SVIL: variants seen among roughly 807,000 people sequenced by gnomAD.
SVIL encodes the protein supervillin.
A neutral mutation model predicts 240.4 loss-of-function variants in SVIL; 101 were observed. The ratio of observed to expected loss-of-function variants is 0.42; its 90% confidence interval spans 0.36 to 0.50. SVIL has a LOEUF of 0.50. Among genes scored for constraint, SVIL ranks in the 20% least tolerant of loss-of-function variants. The pLI, the probability that SVIL is intolerant of heterozygous loss-of-function variation, is 0.01. For synonymous variants in SVIL, 999 were observed against 1,100.0 expected (o/e 0.91, Z 1.82); for missense variants, 2,512 against 2,818.7 (o/e 0.89, Z 2.46).
At chr10:29,520,848 C>A (rs1311629939) in intron 16 of SVIL, among the ~76,000 whole-genome samples, 8 of 148,302 alleles carry the variant, frequency 5.4e-5, no homozygotes, top group African/African-American at 2.0e-4. Flanking sequence ...TCCAGGAGTT[C>A]GAGGCTGCAG....
chr10:29,579,724 G>A (rs1199814240), intron 1 of SVIL, among the ~76,000 whole-genome samples: 1 of 152,096 alleles, frequency 6.6e-6, no homozygotes, highest in East Asian at 1.9e-4. Context: ...CCCCTGCAAC[G>A]CTGTCCTTTG....
chr10:29,561,946 C>T (rs1286707920), intron 3 of SVIL, among the ~76,000 whole-genome samples: 5 of 152,180 alleles, frequency 3.3e-5, no homozygotes, highest in Admixed American at 3.3e-4. Flanking sequence ...CAGGCCAAAT[C>T]CCCTGAGTCT....
chr10:29,640,851 C>T (rs529066419), intron 3 of SVIL, among the ~76,000 whole-genome samples: 1 of 152,326 alleles, frequency 6.6e-6, no homozygotes, highest in East Asian at 1.9e-4. Flanking sequence ...AACCCATCCT[C>T]TCCGCCACTT....
intron 1 of SVIL, among the ~76,000 whole-genome samples, chr10:29,691,014 T>G (rs1185288657): frequency 6.6e-6 from 1 of 152,184 alleles, no homozygotes; most frequent in Non-Finnish European, 1.5e-5. Context: ...CAAAGCTTCA[T>G]TTTAGAAGCA....
chr10:29,461,631 C>T (rs887588507), intron 36 of SVIL, among the ~76,000 whole-genome samples: 2 of 152,090 alleles, frequency 1.3e-5, no homozygotes, highest in African/African-American at 2.4e-5. Flanking sequence ...GTTAATAGCT[C>T]ATATATAAGA....
intron 2 of SVIL, among the ~76,000 whole-genome samples, chr10:29,660,289 A>G (rs560696395): frequency 1.3e-5 from 2 of 152,290 alleles, no homozygotes; most frequent in South Asian, 4.1e-4. Flanking sequence ...AGCTCGGGCA[A>G]CAAAGCAACA....
intron 30 of SVIL, among the ~76,000 whole-genome samples, chr10:29,471,910 T>C (rs1391330242): frequency 6.6e-6 from 1 of 152,210 alleles, no homozygotes; most frequent in East Asian, 1.9e-4. Flanking sequence ...CCAATTGCCA[T>C]TTTGTGGCAG....
At chr10:29,509,532 G>T (rs1408667871) in intron 17 of SVIL, among the ~76,000 whole-genome samples, 1 of 152,144 alleles carries the variant, frequency 6.6e-6, no homozygotes, top group African/African-American at 2.4e-5. Context: ...TCCCTGAGAT[G>T]TGCTTGATCT....
chr10:29,724,825 C>A (rs1227981648), intron 1 of SVIL, among the ~76,000 whole-genome samples: 2 of 151,966 alleles, frequency 1.3e-5, no homozygotes, highest in East Asian at 1.9e-4. Flanking sequence ...AGTTCGAGAC[C>A]AGCCTGGTCA....
At chr10:29,727,895 G>A (rs1037895379) in intron 1 of SVIL, among the ~76,000 whole-genome samples, 4 of 152,146 alleles carry the variant, frequency 2.6e-5, no homozygotes, top group African/African-American at 9.7e-5. Flanking sequence ...TCTACCTCAA[G>A]GCAGGGCGAG....
intron 3 of SVIL, among the ~76,000 whole-genome samples, chr10:29,556,251 TGAA>T (rs1158865128): frequency 1.3e-5 from 2 of 152,158 alleles, no homozygotes; most frequent in African/African-American, 4.8e-5. Flanking sequence ...GTGACTCCTA[TGAA>T]GGACTCAGAA....
At chr10:29,583,265 C>T (rs1392300030) in intron 1 of SVIL, among the ~76,000 whole-genome samples, 1 of 152,090 alleles carries the variant, frequency 6.6e-6, no homozygotes, top group Non-Finnish European at 1.5e-5. Context: ...GCTCATCAAC[C>T]TGTGATCTCC....
At chr10:29,647,637 T>TGTGTGTG (rs1564733824) in intron 3 of SVIL, among the ~76,000 whole-genome samples, 2 of 150,430 alleles carry the variant, frequency 1.3e-5, no homozygotes, top group South Asian at 2.1e-4. Flanking sequence ...GTGTGTGTGT[T>TGTGTGTG]TGTGTGTGTG....
intron 3 of SVIL, among the ~76,000 whole-genome samples, chr10:29,655,972 G>A (rs113193414): frequency 0.019 from 2,804 of 150,780 alleles, 88 homozygotes; most frequent in African/African-American, 0.064. Context: ...TTCTGTTCAG[G>A]TGCTTCTCCT....
chr10:29,532,317 G>A (rs1477601442), intron 8 of SVIL, 145 bp from the exon 9 acceptor site: 20 of 1,254,522 alleles, frequency 1.6e-5, no homozygotes, highest in African/African-American at 3.0e-5. Flanking sequence ...CGTAAGGAAG[G>A]AGACATTCCA....
In SVIL at chr10:29,524,271, A is replaced by G. The variant is rs1014707125; in HGVS notation, c.2586+201T>C. Reference sequence around the variant, plus strand: ...ATGGACTCATTCTAGATATTTCAGCAAGCAAGGTATGAAAACAAAAAAAGA... The same window carrying G: ...ATGGACTCATTCTAGATATTTCAGCGAGCAAGGTATGAAAACAAAAAAAGA... On this transcript the variant is annotated intron_variant, in intron 14 of 37. Coordinates refer to ENST00000355867, the MANE Select transcript of SVIL (RefSeq NM_021738.3). 5.9e-5 allele frequency among the ~76,000 whole-genome samples: 9 copies of G among 152,214 alleles called. 1 individual carries two copies. Among genetic ancestry groups the G allele is most frequent in the Non-Finnish European group, 1.3e-4 (9 of 68,040 alleles).
chr10:29,703,161 C>T (rs150069846), intron 1 of SVIL, among the ~76,000 whole-genome samples: 7 of 152,284 alleles, frequency 4.6e-5, no homozygotes, highest in Admixed American at 1.3e-4. Context: ...AAAATTCTAA[C>T]CTTGAAACAG....
At chr10:29,614,976 A>G (rs1957379205) in intron 1 of SVIL, among the ~76,000 whole-genome samples, 2 of 152,312 alleles carry the variant, frequency 1.3e-5, no homozygotes, top group Middle Eastern at 3.4e-3. Context: ...TGTGATATGT[A>G]CTACTATCAT....
At chr10:29,651,732 T>C (rs1958843976) in intron 3 of SVIL, among the ~76,000 whole-genome samples, 1 of 151,534 alleles carries the variant, frequency 6.6e-6, no homozygotes, top group African/African-American at 2.4e-5. Flanking sequence ...TAGACACACG[T>C]TCAACTGTCT....
Sources: allele counts gnomAD v4.1 joint callset (sites outside exome capture counted in the v4.1 genomes callset), GRCh38; gene constraint gnomAD v4.1.1; transcripts MANE v1.5; gene names NCBI Gene and HGNC (gene_info 2026-07-23, HGNC 2026-07-21).